RPA1: variants seen among roughly 807,000 people sequenced by gnomAD.
RPA1 encodes replication protein A1, also known as replication protein A 70 kDa DNA-binding subunit.
RPA1 carries 49 observed loss-of-function variants against 83.0 expected under a neutral mutation model. The observed-to-expected ratio is 0.59, with a 90% confidence interval of 0.47 to 0.75. The LOEUF (loss-of-function observed/expected upper bound fraction) is 0.75, where lower values mean the gene tolerates loss of function less well. RPA1 is among the 30% of genes least tolerant of loss of function. The probability of loss-of-function intolerance (pLI) is 0.00; values close to 1 mark genes in which losing one functional copy is unlikely to be tolerated. For synonymous variants in RPA1, 279 were observed against 281.8 expected, an observed-to-expected ratio of 0.99 and a Z score of 0.10; for missense variants, 693 against 776.1, an observed-to-expected ratio of 0.89 and a Z score of 1.27.
intron 5 of RPA1, among the ~76,000 whole-genome samples, chr17:1,865,286 C>T (rs996584771): frequency 5.9e-5 from 9 of 152,164 alleles, no homozygotes; most frequent in African/African-American, 2.2e-4. Context: ...TGTGCCCGGA[C>T]CTTCAAAGAT....
chr17:1,874,012 A>AATATATATATATATATATAT (rs1180376121), intron 6 of RPA1, among the ~76,000 whole-genome samples: 1 of 93,866 alleles, frequency 1.1e-5, no homozygotes, highest in African/African-American at 5.1e-5. Flanking sequence ...AAAAAAAAAA[A>AATATATATATATATATATAT]ATATATATAT....
intron 1 of RPA1, among the ~76,000 whole-genome samples, chr17:1,840,695 C>T (rs770173882): frequency 8.5e-5 from 13 of 152,188 alleles, no homozygotes; most frequent in African/African-American, 2.4e-4. Context: ...AGGCAAGAGC[C>T]GCCGTTTGCA....
rs1335979790 is a variant in RPA1, at chr17:1,884,062, C to G, written c.1374+118C>G. ...CCGTAATTCTTACCCGGGGCTGTGA[C>G]CTGAGCGTGGCATGGGGGTTGAGAA... is the stretch of plus-strand genomic sequence containing the variant. On this transcript the variant is annotated intron_variant, in intron 13 of 16. Coordinates refer to ENST00000254719, the MANE Select transcript of RPA1 (RefSeq NM_002945.5). This position sits in a 1 kb window ranked among gnomAD's most constrained non-coding sequence, Gnocchi z 4.1. 3.6e-6 allele frequency: 5 copies of G among 1,391,868 alleles called. No homozygotes were observed. The East Asian group carries it at 1.2e-4, about 33-fold the overall frequency. 86.2% of individuals were successfully genotyped at this position (1,391,868 alleles called of 1,614,324 possible).
rs759871159 is a variant in RPA1, at chr17:1,879,169, C to T, written c.760-46C>T. On this transcript the variant is annotated intron_variant, in intron 9 of 16. Coordinates refer to ENST00000254719, the MANE Select transcript of RPA1 (RefSeq NM_002945.5). ...TGGTGGCAGACTAGGGGTTTCTGTC[C>T]GATTTGATGGTAGTCTCAGGTTCTG... 1.4e-5 allele frequency: 23 copies of T among 1,608,276 alleles called. No homozygotes were observed. In the South Asian group the frequency reaches 1.9e-4, roughly 13 times the overall value.
intron 1 of RPA1, among the ~76,000 whole-genome samples, chr17:1,834,063 C>A (rs1911718283): frequency 6.6e-6 from 1 of 151,992 alleles, no homozygotes; most frequent in Admixed American, 6.6e-5. Context: ...GCCTGTAATC[C>A]CTGCTGCTTG....
chr17:1,879,466 G>A (rs770567274), intron 10 of RPA1, 59 bp downstream of exon 10: 47 of 1,610,880 alleles, frequency 2.9e-5, no homozygotes, highest in Non-Finnish European at 4.0e-5. Context: ...CAGTGTACGG[G>A]GTGGTGTCAG....
chr17:1,842,103 C>T lies in RPA1; in HGVS notation c.34-700C>T, dbSNP rs185060856. Among the ~76,000 whole-genome samples, 3 of 152,224 alleles carry T rather than the reference C, an allele frequency of 2.0e-5. No individual in the cohort carries two copies. The East Asian group carries it at 5.8e-4, about 29-fold the overall frequency. On this transcript the variant is annotated intron_variant, in intron 1 of 16. Coordinates refer to ENST00000254719, the MANE Select transcript of RPA1 (RefSeq NM_002945.5). ...ACTCTTGGGCTCAAAGCAGTCCTCC[C>T]ACCTCGGCCTCCCAAAGTGCTAGGA...
Position 1,880,601 on chromosome 17 carries a change from C to G in RPA1, c.1151C>G (p.Ser384Cys). 6.2e-7 allele frequency: 1 copy of G among 1,614,144 alleles called. No homozygotes were observed. The highest frequency in any genetic ancestry group is 8.5e-7 in the Non-Finnish European group (1 of 1,180,024). The change falls in exon 12 of 17, where the codon TCT becomes TGT. Residue 384 changes from serine to cysteine, a missense_variant. By Grantham distance (112) the Ser-to-Cys change is moderately radical. Transcript: ENST00000254719. ...PVLAIKGARV[S>C]DFGGRSLSVL... ...TTGGCTATCAAAGGAGCCCGAGTCT[C>G]TGATTTCGGTGGACGGAGCCTCTCC...
At chr17:1,872,138 G>T in intron 5 of RPA1, 1 of 380,956 alleles carries the variant, frequency 2.6e-6, no homozygotes, top group Admixed American at 3.6e-5. Context: ...CTTTACTGCA[G>T]GTTGTTGCAG....
At chr17:1,880,779 G>C in intron 12 of RPA1, 88 bp downstream of exon 12, 1 of 1,549,418 alleles carries the variant, frequency 6.5e-7, no homozygotes, top group Non-Finnish European at 8.8e-7. Flanking sequence ...TTTCTGCCAA[G>C]CAGAAGCCTT....
chr17:1,843,767 T>A (rs1912149196), intron 2 of RPA1, among the ~76,000 whole-genome samples, 153 bp from the exon 3 acceptor site: 1 of 151,932 alleles, frequency 6.6e-6, no homozygotes, highest in African/African-American at 2.4e-5. Flanking sequence ...AATCATCAAA[T>A]CCAGTTTTCT....
At chr17:1,894,466 C>G (rs17339235) in intron 15 of RPA1, among the ~76,000 whole-genome samples, 2 of 152,160 alleles carry the variant, frequency 1.3e-5, no homozygotes, top group Non-Finnish European at 2.9e-5. Flanking sequence ...CGTGCCCAGC[C>G]TTAAAGTCTT....
intron 4 of RPA1, among the ~76,000 whole-genome samples, chr17:1,851,257 GTGTGTA>G (rs1912484830): frequency 7.5e-6 from 1 of 134,188 alleles, no homozygotes; most frequent in East Asian, 2.3e-4. Flanking sequence ...GTATATGTGC[GTGTGTA>G]TGTGCGTGTG....
intron 1 of RPA1, among the ~76,000 whole-genome samples, chr17:1,830,352 G>A (rs1415997764): frequency 6.6e-6 from 1 of 152,192 alleles, no homozygotes; most frequent in Admixed American, 6.5e-5. Flanking sequence ...TCCTACGTAA[G>A]AACAAACTAA....
intron 1 of RPA1, among the ~76,000 whole-genome samples, chr17:1,834,746 A>G (rs1762275805): frequency 6.6e-6 from 1 of 152,198 alleles, no homozygotes; most frequent in Admixed American, 6.5e-5. Context: ...CCTAGAAGAT[A>G]GCTATTATAC....
intron 5 of RPA1, among the ~76,000 whole-genome samples, chr17:1,867,619 G>C (rs1045787528): frequency 2.0e-5 from 3 of 152,120 alleles, no homozygotes; most frequent in African/African-American, 7.2e-5. Flanking sequence ...GTCGAGGTGG[G>C]AGGATCACTT....
intron 5 of RPA1, among the ~76,000 whole-genome samples, chr17:1,853,920 A>G (rs759839051): frequency 1.1e-4 from 16 of 152,202 alleles, no homozygotes; most frequent in Non-Finnish European, 1.5e-4. Context: ...CTGCTAAGCC[A>G]TGAGTAAACT....
At chr17:1,838,680 A>G (rs1911918632) in intron 1 of RPA1, among the ~76,000 whole-genome samples, 1 of 151,744 alleles carries the variant, frequency 6.6e-6, no homozygotes, top group South Asian at 2.1e-4. Flanking sequence ...TTTCTTCCAG[A>G]AGTTTTATAG....
intron 5 of RPA1, among the ~76,000 whole-genome samples, chr17:1,862,329 C>T (rs1218465253): frequency 2.0e-5 from 3 of 151,526 alleles, no homozygotes; most frequent in Non-Finnish European, 4.4e-5. Flanking sequence ...GCCACAGCGC[C>T]CAGCTTAGAA....
Sources: gnomAD v4.1 joint callset for allele counts (sites outside exome capture counted in the v4.1 genomes callset) on GRCh38, gnomAD v4.1.1 for gene constraint, Gnocchi (gnomAD v3.1) non-coding constraint, MANE v1.5 for transcripts, NCBI Gene and HGNC (gene_info 2026-07-23, HGNC 2026-07-21) for gene names.